REDIC1: variants seen among roughly 807,000 people sequenced by gnomAD.
The protein encoded by REDIC1 is regulator of DNA class I crossover intermediates 1, also known as HEI10 Interacting Protein 1.
the REDIC1 span, among the ~76,000 whole-genome samples, chr12:39,854,032 T>C: frequency 6.6e-6 from 1 of 152,060 alleles, no homozygotes; most frequent in East Asian, 1.9e-4. Flanking sequence ...CTCTTCTCTT[T>C]GCTTCTTGGG....
At chr12:39,667,610 C>T in the REDIC1 span, among the ~76,000 whole-genome samples, 1 of 152,080 alleles carries the variant, frequency 6.6e-6, no homozygotes, top group African/African-American at 2.4e-5. Context: ...GAGTTCAATT[C>T]CTGGATATCT....
the REDIC1 span, among the ~76,000 whole-genome samples, chr12:39,750,830 A>C: frequency 6.6e-6 from 1 of 152,252 alleles, no homozygotes; most frequent in African/African-American, 2.4e-5. Context: ...CCTATTTAAT[A>C]AATGATGTGG....
the REDIC1 span, among the ~76,000 whole-genome samples, chr12:39,712,468 G>GTA: frequency 8.3e-6 from 1 of 119,874 alleles, no homozygotes; most frequent in East Asian, 2.5e-4. Flanking sequence ...ATATACGTAT[G>GTA]TATATATACA....
the REDIC1 span, among the ~76,000 whole-genome samples, chr12:39,883,805 C>G: frequency 6.6e-6 from 1 of 152,166 alleles, no homozygotes; most frequent in Non-Finnish European, 1.5e-5. Flanking sequence ...AACTCTGAAT[C>G]TCTACGGAAT....
the REDIC1 span, among the ~76,000 whole-genome samples, chr12:39,629,709 T>C: frequency 2.0e-5 from 3 of 152,210 alleles, no homozygotes; most frequent in Admixed American, 6.5e-5. Context: ...CTTTGCAAGA[T>C]ATCATAACAG....
the REDIC1 span, among the ~76,000 whole-genome samples, chr12:39,702,571 C>G: frequency 2.6e-5 from 4 of 152,126 alleles, no homozygotes; most frequent in Non-Finnish European, 4.4e-5. Flanking sequence ...GGAATCCTCC[C>G]TAACTCATTT....
chr12:39,684,881 C>G, the REDIC1 span: 1 of 1,611,210 alleles, frequency 6.2e-7, no homozygotes, highest in South Asian at 1.1e-5. Context: ...AATATACCTT[C>G]GGAAGAATTG....
chr12:39,649,830 C>A, the REDIC1 span, among the ~76,000 whole-genome samples: 1 of 151,882 alleles, frequency 6.6e-6, no homozygotes, highest in Admixed American at 6.6e-5. Context: ...ATTAAAGTAG[C>A]AATCTAAAGT....
chr12:39,728,892 G>T, the REDIC1 span, among the ~76,000 whole-genome samples: 1 of 151,660 alleles, frequency 6.6e-6, no homozygotes, highest in Non-Finnish European at 1.5e-5. Context: ...TCTTGGGAGG[G>T]TGTATGTGTC....
the REDIC1 span, among the ~76,000 whole-genome samples, chr12:39,688,243 A>G: frequency 1.3e-5 from 2 of 152,248 alleles, no homozygotes; most frequent in South Asian, 4.1e-4. Context: ...ATGCATTTAG[A>G]TAAATTGCTT....
At chr12:39,788,190 T>C in the REDIC1 span, among the ~76,000 whole-genome samples, 4 of 152,172 alleles carry the variant, frequency 2.6e-5, no homozygotes, top group African/African-American at 4.8e-5. Flanking sequence ...ATAGATGCTG[T>C]GTCATTTTCC....
At chr12:39,704,148 G>C in the REDIC1 span, among the ~76,000 whole-genome samples, 960 of 151,598 alleles carry the variant, frequency 6.3e-3, 15 homozygotes, top group African/African-American at 0.022. Context: ...CCTACAAAAT[G>C]GGAGAAAATT....
At chr12:39,705,885 C>T in the REDIC1 span, among the ~76,000 whole-genome samples, 3 of 152,042 alleles carry the variant, frequency 2.0e-5, no homozygotes, top group African/African-American at 7.2e-5. Context: ...AAAGGCTTTC[C>T]TCTAAGATAT....
chr12:39,704,305 A>G, the REDIC1 span, among the ~76,000 whole-genome samples: 5 of 152,208 alleles, frequency 3.3e-5, no homozygotes, highest in African/African-American at 7.2e-5. Context: ...TATGCAGCCA[A>G]AAAACACATG....
At chr12:39,652,247 C>T in the REDIC1 span, among the ~76,000 whole-genome samples, 2 of 152,052 alleles carry the variant, frequency 1.3e-5, no homozygotes, top group Non-Finnish European at 2.9e-5. Context: ...TACTTCATTT[C>T]TCCTGGGTGC....
At chr12:39,882,376 C>A in the REDIC1 span, among the ~76,000 whole-genome samples, 285 of 152,294 alleles carry the variant, frequency 1.9e-3, no homozygotes, top group Middle Eastern at 3.4e-3. Flanking sequence ...GCTACCATCA[C>A]GTTCATCATT....
chr12:39,668,098 A>G, the REDIC1 span, among the ~76,000 whole-genome samples: 2 of 149,748 alleles, frequency 1.3e-5, no homozygotes, highest in Non-Finnish European at 3.0e-5. Flanking sequence ...TGTGAATTTG[A>G]TCCTTTCATT....
At chr12:39,808,644 T>C in the REDIC1 span, among the ~76,000 whole-genome samples, 3 of 152,202 alleles carry the variant, frequency 2.0e-5, no homozygotes, top group Admixed American at 6.5e-5. Context: ...CTGTAGCATG[T>C]CACTATAATT....
At chr12:39,892,135 T>A in the REDIC1 span, among the ~76,000 whole-genome samples, 1 of 152,198 alleles carries the variant, frequency 6.6e-6, no homozygotes, top group African/African-American at 2.4e-5. Flanking sequence ...CTGCTCCACA[T>A]AGCATGCTAC....
Sources: allele counts gnomAD v4.1 joint callset (sites outside exome capture counted in the v4.1 genomes callset), GRCh38; gene constraint gnomAD v4.1.1; transcripts MANE v1.5; gene names NCBI Gene and HGNC (gene_info 2026-07-23, HGNC 2026-07-21).